NYX: variants seen among roughly 807,000 people sequenced by gnomAD.
NYX encodes the protein nyctalopin, also known as leucine-rich repeat protein.
For synonymous variants in NYX, 258 were observed against 245.7 expected (o/e 1.05, Z -0.47); for missense variants, 481 against 485.4 (o/e 0.99, Z 0.09).
intron 2 of NYX, among the ~76,000 whole-genome samples, chrX:41,461,865 G>A (rs1304411427): frequency 4.5e-5 from 5 of 110,929 alleles, no homozygotes; most frequent in Middle Eastern, 4.7e-3. Flanking sequence ...GCAGTGGTGC[G>A]ATCTCGGCTC....
intron 2 of NYX, among the ~76,000 whole-genome samples, chrX:41,469,485 T>C (rs1439680006): frequency 3.6e-5 from 4 of 110,326 alleles, no homozygotes; most frequent in Non-Finnish European, 7.6e-5. Context: ...TTTCCATTGG[T>C]CCTCAAGATT....
In NYX at chrX:41,474,474, G is replaced by A. The variant is rs748302686; in HGVS notation, c.1006G>A (p.Asp336Asn). 6 of 1,209,104 alleles carry A rather than the reference G, an allele frequency of 5.0e-6. No homozygotes were observed. Among genetic ancestry groups the A allele is most frequent in the Non-Finnish European group, 5.6e-6 (5 of 895,359 alleles). ...CCTCTTCCGCAACCCGTGGTGCTGC[G>A]ACTGCCGTCTGGAGTGGCTGAGGGA... ...LFLFRNPWCC[D>N]CRLEWLRDWM... Residue 336 changes from aspartate (D) to asparagine (N), a missense_variant, in exon 3 of 3, where the codon GAC becomes AAC. Physicochemically the swap from Asp to Asn is conservative, Grantham distance 23 (BLOSUM62 1). Coordinates refer to ENST00000378220, the MANE Select transcript of NYX (RefSeq NM_001378477.3).
At chrX:41,472,365 T>C in intron 2 of NYX, 1 of 1,157,578 alleles carries the variant, frequency 8.6e-7, no homozygotes. Context: ...GCCACATCCA[T>C]GTCGGTGGCT....
At chrX:41,447,731 GA>G (rs1229170130) in intron 1 of NYX, 117 bp from the exon 2 acceptor site, 1 of 539,733 alleles carries the variant, frequency 1.9e-6, no homozygotes, top group Non-Finnish European at 3.2e-6. Flanking sequence ...GGGTCATTAA[GA>G]AGGAAGGAAT....
At chrX:41,456,179 A>C (rs2064298240) in intron 2 of NYX, among the ~76,000 whole-genome samples, 1 of 111,373 alleles carries the variant, frequency 9.0e-6, no homozygotes, top group Non-Finnish European at 1.9e-5. Context: ...TCTACTAAAA[A>C]TACAAAAATT....
chrX:41,475,187 C>T lies in NYX; in HGVS notation c.*288C>T. ...TCGGAAGCTTCTAGGGCTTCACATC[C>T]CTTCCCCTCCCCTCCCCTTCCCCTC... On this transcript the variant is annotated 3_prime_UTR_variant, in exon 3 of 3. Coordinates refer to ENST00000378220, the MANE Select transcript of NYX (RefSeq NM_001378477.3). The T allele has an allele frequency of 5.3e-6, 2 of 378,455 alleles. No individual in the cohort carries two copies. Among genetic ancestry groups the T allele is most frequent in the Non-Finnish European group, 4.6e-6 (1 of 215,517 alleles). 31.2% of individuals were successfully genotyped at this position (378,455 alleles called of 1,213,427 possible).
At chrX:41,466,753 A>G (rs1329270457) in intron 2 of NYX, among the ~76,000 whole-genome samples, 1 of 78,775 alleles carries the variant, frequency 1.3e-5, no homozygotes, top group Non-Finnish European at 2.4e-5. Context: ...TAGTTTTAGT[A>G]GAGACAGGGT....
Position 41,474,541 on chromosome X carries a change from C to G in NYX, c.1073C>G (p.Ala358Gly). 10 of 1,201,620 alleles carry G rather than the reference C, an allele frequency of 8.3e-6. No homozygotes were observed. Among genetic ancestry groups the G allele is most frequent in the Non-Finnish European group, 1.0e-5 (9 of 891,564 alleles). The change falls in exon 3 of 3, where the codon GCC becomes GGC. Residue 358 changes from alanine to glycine, a missense_variant. By Grantham distance (60) the Ala-to-Gly change is moderately conservative. Coordinates refer to ENST00000378220, the MANE Select transcript of NYX (RefSeq NM_001378477.3). Reference sequence around the variant, plus strand: ...GGACGTGTCACCGACGTGCCGTGCGCCTCCCCGGGCTCCGTGGCCGGCCTG... The same window carrying G: ...GGACGTGTCACCGACGTGCCGTGCGGCTCCCCGGGCTCCGTGGCCGGCCTG... ...GSGRVTDVPC[A>G]SPGSVAGLDL... is the part of the protein sequence containing the mutation.
chrX:41,464,250 A>T (rs1215326750), intron 2 of NYX, among the ~76,000 whole-genome samples: 1 of 109,549 alleles, frequency 9.1e-6, no homozygotes. Context: ...GGCTTAAGCG[A>T]TCCTCCCACC....
At chrX:41,452,620 T>C (rs2064284659) in intron 2 of NYX, among the ~76,000 whole-genome samples, 1 of 111,126 alleles carries the variant, frequency 9.0e-6, no homozygotes, top group African/African-American at 3.3e-5. Context: ...CAGTTTGAGG[T>C]GATTGTTTAT....
chrX:41,461,606 AC>A (rs1235407233), intron 2 of NYX, among the ~76,000 whole-genome samples: 2 of 110,521 alleles, frequency 1.8e-5, no homozygotes, highest in Non-Finnish European at 3.8e-5. Flanking sequence ...AGGGATCTCC[AC>A]ACTGTTTTCC....
chrX:41,449,507 G>T (rs1391039126), intron 2 of NYX, among the ~76,000 whole-genome samples: 1 of 111,225 alleles, frequency 9.0e-6, no homozygotes, highest in Non-Finnish European at 1.9e-5. Context: ...TTCCTACCTC[G>T]AAGAGGTTCT....
intron 2 of NYX, among the ~76,000 whole-genome samples, chrX:41,465,007 TA>T (rs1197212515): frequency 8.9e-6 from 1 of 111,780 alleles, no homozygotes; most frequent in Admixed American, 9.6e-5. Context: ...AAATTTCAGC[TA>T]TTGTTTCAGT....
At chrX:41,463,667 C>T (rs1024698175) in intron 2 of NYX, among the ~76,000 whole-genome samples, 4 of 111,153 alleles carry the variant, frequency 3.6e-5, no homozygotes, top group South Asian at 3.8e-4. Context: ...GTGATCTGCC[C>T]GCCTCGGCCT....
At chrX:41,470,314 G>A (rs756476884) in intron 2 of NYX, among the ~76,000 whole-genome samples, 24 of 111,180 alleles carry the variant, frequency 2.2e-4, no homozygotes, top group Non-Finnish European at 3.6e-4. Context: ...ATTAAAAAAC[G>A]TAAAAAGAAA....
chrX:41,450,829 T>TATATA (rs1491392464), intron 2 of NYX, among the ~76,000 whole-genome samples: 15 of 10,017 alleles, frequency 1.5e-3, no homozygotes, highest in African/African-American at 6.5e-3. Context: ...TATATATATA[T>TATATA]TTTTTTTTTT....
At chrX:41,472,666 G>T in intron 2 of NYX, 1 of 415,998 alleles carries the variant, frequency 2.4e-6, no homozygotes, top group Non-Finnish European at 4.2e-6. Flanking sequence ...TCTTGGCGAG[G>T]TCCGTGGCTA....
intron 2 of NYX, among the ~76,000 whole-genome samples, chrX:41,471,453 T>C (rs1336513910): frequency 8.9e-6 from 1 of 112,289 alleles, no homozygotes; most frequent in African/African-American, 3.2e-5. Flanking sequence ...TACGTGTAAG[T>C]GTGCATTCAT....
In NYX at chrX:41,474,612, G is replaced by A. The variant is rs1602181138; in HGVS notation, c.1144G>A (p.Val382Met). The part of the protein sequence containing the change: ...TFGRSSDGLC[V>M]DPEELNLTTS... ...CGGGCGCTCCTCCGATGGCCTCTGT[G>A]TGGACCCCGAGGAGCTGAACCTCAC... Residue 382 changes from valine to methionine, a missense_variant, in exon 3 of 3, where the codon GTG becomes ATG. Val to Met is a conservative substitution (Grantham distance 21). Coordinates refer to ENST00000378220, the MANE Select transcript of NYX (RefSeq NM_001378477.3). 8.3e-7 allele frequency: 1 copy of A among 1,199,862 alleles called. No individual in the cohort carries two copies.
Sources: gnomAD v4.1 joint callset for allele counts (sites outside exome capture counted in the v4.1 genomes callset) on GRCh38, gnomAD v4.1.1 for gene constraint, MANE v1.5 for transcripts, NCBI Gene and HGNC (gene_info 2026-07-23, HGNC 2026-07-21) for gene names.